The following SERAC1 variants were observed in gnomAD, a reference collection of about 807,000 sequenced individuals.
SERAC1 encodes serine active site containing 1, also known as protein SERAC1.
Under a neutral mutation model 85.7 loss-of-function variants are expected in SERAC1, and 36 were observed. The observed-to-expected ratio is 0.42, with a 90% confidence interval of 0.32 to 0.55. SERAC1 has a LOEUF of 0.55. SERAC1 is among the 20% of genes least tolerant of loss of function. The pLI is 0.11. For synonymous variants in SERAC1, 242 were observed against 265.3 expected, an observed-to-expected ratio of 0.91 and a Z score of 0.85; for missense variants, 629 against 796.2, an observed-to-expected ratio of 0.79 and a Z score of 2.53.
At chr6:158,132,744 T>C (rs1194800468) in intron 8 of SERAC1, among the ~76,000 whole-genome samples, 3 of 152,176 alleles carry the variant, frequency 2.0e-5, no homozygotes, top group Non-Finnish European at 2.9e-5. Context: ...TTTGTGGCAG[T>C]AAGAAGTACA....
At chr6:158,159,392 G>A (rs1476392900) in intron 1 of SERAC1, 3 of 151,726 alleles carry the variant, frequency 2.0e-5, no homozygotes, top group Non-Finnish European at 2.9e-5. Context: ...CCAGCTACTC[G>A]GGAGGCTGAG....
intron 1 of SERAC1, among the ~76,000 whole-genome samples, chr6:158,162,490 T>C (rs1785510205): frequency 6.6e-6 from 1 of 152,228 alleles, no homozygotes; most frequent in Admixed American, 6.5e-5. Flanking sequence ...TATGCTCCTT[T>C]GATCTTAGAA....
chr6:158,140,091 C>A (rs1202995751), intron 8 of SERAC1, among the ~76,000 whole-genome samples: 1 of 152,184 alleles, frequency 6.6e-6, no homozygotes, highest in Non-Finnish European at 1.5e-5. Context: ...AAGACATGCA[C>A]ATAAATGTTG....
intron 1 of SERAC1, among the ~76,000 whole-genome samples, chr6:158,160,152 A>T (rs1050520784): frequency 8.6e-5 from 13 of 152,006 alleles, no homozygotes; most frequent in African/African-American, 3.1e-4. Flanking sequence ...TACCAGTACG[A>T]GAGGGGTTTT....
chr6:158,143,178 A>G lies in SERAC1; in HGVS notation c.616T>C (p.Ser206Pro), dbSNP rs1784959488. 1.2e-6 allele frequency: 2 copies of G among 1,612,566 alleles called. No individual in the cohort carries two copies. The highest frequency in any genetic ancestry group is 1.7e-4 in the Middle Eastern group (1 of 6,048). ...AACTGTCTGAGCTCTTCTTCAGTGG[A>G]AGAATCCTGAAATAAAAGGAAAGGA... ...PPLPSLKEDS[S>P]TEEELRQLLA... Residue 206 changes from serine (S) to proline (P), a missense_variant, in exon 8 of 17, where the codon TCC (serine) becomes CCC (proline). By Grantham distance (74) the Ser-to-Pro change is moderately conservative (BLOSUM62 -1). Transcript: ENST00000647468.
At chr6:158,166,291 G>C (rs1193557264) in intron 1 of SERAC1, 1 of 152,096 alleles carries the variant, frequency 6.6e-6, no homozygotes, top group Admixed American at 6.5e-5. Flanking sequence ...ATACCACTTA[G>C]TGGTATACTA....
rs755302827 is a variant in SERAC1, at chr6:158,155,325, G to A, written c.118C>T (p.Leu40Phe). 3.9e-6 allele frequency: 6 copies of A among 1,551,200 alleles called. No individual in the cohort carries two copies. Among genetic ancestry groups the A allele is most frequent in the Non-Finnish European group, 5.3e-6 (6 of 1,124,588 alleles). The part of the protein sequence containing the change: ...IRNIIKFTGS[L>F]ILGGSLFLTY... ...CAGTTGACGACTTACCCTAAAATAA[G>A]TGATCCAGTAAACTTTATTATATTT... The change falls in exon 3 of 17, where the codon CTT (leucine) becomes TTT (phenylalanine). Residue 40 changes from leucine to phenylalanine, a missense_variant. Coordinates refer to ENST00000647468, the MANE Select transcript of SERAC1 (RefSeq NM_032861.4).
Position 158,120,721 on chromosome 6 carries a change from T to C in SERAC1, c.1016-146A>G. 1 of 823,946 alleles carries C rather than the reference T, an allele frequency of 1.2e-6. No individual in the cohort carries two copies. 51.0% of individuals were successfully genotyped at this position (823,946 alleles called of 1,614,324 possible). On this transcript the variant is annotated intron_variant, in intron 10 of 16. Transcript: ENST00000647468. This position sits in a 1 kb window ranked among gnomAD's most constrained non-coding sequence, Gnocchi z 4.4. ...GAGAAGTCCGACTATTCCAACCCCA[T>C]TCTGCCCTACGATCCTCTGAGACCT...
At chr6:158,126,079 C>T (rs1193417510) in intron 10 of SERAC1, among the ~76,000 whole-genome samples, 4 of 152,160 alleles carry the variant, frequency 2.6e-5, no homozygotes, top group African/African-American at 7.2e-5. Context: ...CCACAACACA[C>T]ATATATGTGT....
chr6:158,163,476 T>C lies in SERAC1; in HGVS notation c.-2+4664A>G, dbSNP rs368076585. ...GATTTGGGAGGCCAAGGTGGGATGA[T>C]TGCTTGAGACCACAAATCAACTGAC... On this transcript the variant is annotated intron_variant, in intron 1 of 16. Coordinates refer to ENST00000647468, the MANE Select transcript of SERAC1 (RefSeq NM_032861.4). 7.9e-5 allele frequency among the ~76,000 whole-genome samples: 12 copies of C among 152,182 alleles called. 1 individual carries two copies. The South Asian group carries it at 8.3e-4, about 10-fold the overall frequency.
intron 10 of SERAC1, 30 bp downstream of exon 10, chr6:158,128,078 T>C: frequency 1.9e-6 from 3 of 1,583,236 alleles, no homozygotes; most frequent in Non-Finnish European, 2.6e-6. Flanking sequence ...GAGAACAAAG[T>C]AAAAAATACT....
Position 158,120,357 on chromosome 6 carries a change from T to A in SERAC1, c.1166+68A>T. 2.1e-6 allele frequency: 3 copies of A among 1,462,880 alleles called. No individual in the cohort carries two copies. The highest frequency in any genetic ancestry group is 2.7e-6 in the Non-Finnish European group (3 of 1,094,070). 90.6% of individuals were successfully genotyped at this position (1,462,880 alleles called of 1,614,324 possible). A position where few individuals can be genotyped will look rare whatever the true frequency, so the allele number is the denominator to read the frequency against. ...TTATCTGAATTATGCAGAAATAAGT[T>A]AAAAATTTGAGGCCTCTAGGCTTCA... On this transcript the variant is annotated intron_variant, in intron 11 of 16. Transcript: ENST00000647468. This position sits in a 1 kb window ranked among gnomAD's most constrained non-coding sequence, Gnocchi z 4.4.
chr6:158,168,012 G>A (rs1400141956), intron 1 of SERAC1, 128 bp downstream of exon 1: 1 of 152,134 alleles, frequency 6.6e-6, no homozygotes, highest in Non-Finnish European at 1.5e-5. Flanking sequence ...GGTCGGTCCG[G>A]TCCGCGCGCC....
intron 1 of SERAC1, among the ~76,000 whole-genome samples, chr6:158,166,339 T>C (rs1007863113): frequency 6.6e-6 from 1 of 152,232 alleles, no homozygotes; most frequent in Non-Finnish European, 1.5e-5. Context: ...CTAGTGTCTC[T>C]ATTCTGTTCC....
At chr6:158,127,224 C>T (rs1168649155) in intron 10 of SERAC1, among the ~76,000 whole-genome samples, 1 of 151,946 alleles carries the variant, frequency 6.6e-6, no homozygotes, top group Admixed American at 6.6e-5. Flanking sequence ...CTAAGTAGAG[C>T]CTTGTCTATT....
chr6:158,137,517 A>G (rs1784821279), intron 8 of SERAC1, among the ~76,000 whole-genome samples: 1 of 152,152 alleles, frequency 6.6e-6, no homozygotes, highest in Non-Finnish European at 1.5e-5. Flanking sequence ...CAGTTTCATC[A>G]TTTCCAGTGT....
intron 2 of SERAC1, among the ~76,000 whole-genome samples, chr6:158,156,874 A>C (rs529076252): frequency 3.2e-5 from 3 of 95,036 alleles, no homozygotes; most frequent in Non-Finnish European, 4.6e-5. Flanking sequence ...TAATATATTT[A>C]TATAGATATT....
At chr6:158,155,827 T>C (rs904512575) in intron 2 of SERAC1, among the ~76,000 whole-genome samples, 3 of 152,208 alleles carry the variant, frequency 2.0e-5, no homozygotes, top group Non-Finnish European at 4.4e-5. Context: ...GATGGTTAGG[T>C]ACATACGTAC....
intron 7 of SERAC1, 151 bp from the exon 8 acceptor site, chr6:158,143,335 CTCTCTCTCTCTCTATATATATATATATA>C (rs1214297614): frequency 7.4e-5 from 10 of 135,072 alleles, no homozygotes; most frequent in Non-Finnish European, 1.2e-4. Flanking sequence ...CTCTCTCTCT[CTCTCTCTCTCTCTATATATATATATATA>C]TATATATATA....
Sources: gnomAD v4.1 joint callset for allele counts (sites outside exome capture counted in the v4.1 genomes callset) on GRCh38, gnomAD v4.1.1 for gene constraint, Gnocchi (gnomAD v3.1) non-coding constraint, MANE v1.5 for transcripts, NCBI Gene and HGNC (gene_info 2026-07-23, HGNC 2026-07-21) for gene names.